The following GRIN2B variants were observed in gnomAD, a reference collection of about 807,000 sequenced individuals.
GRIN2B encodes glutamate receptor ionotropic, NMDA 2B.
GRIN2B carries 5 observed loss-of-function variants against 114.5 expected under a neutral mutation model. The observed-to-expected ratio is 0.04, with a 90% CI of 0.02 to 0.09. GRIN2B has a LOEUF of 0.09. GRIN2B is among the 10% of genes least tolerant of loss of function. The pLI is 1.00. For synonymous variants in GRIN2B, 787 were observed against 745.1 expected (o/e 1.06, Z -0.92); for missense variants, 1,108 against 1,943.5 (o/e 0.57, Z 8.08).
chr12:13,656,975 C>A (rs1949870722), intron 5 of GRIN2B, among the ~76,000 whole-genome samples: 1 of 152,132 alleles, frequency 6.6e-6, no homozygotes, highest in East Asian at 1.9e-4. Context: ...GGAAGGGACT[C>A]ATTTCTTTCT....
chr12:13,627,288 A>C (rs1354817909), intron 5 of GRIN2B, among the ~76,000 whole-genome samples: 2 of 152,166 alleles, frequency 1.3e-5, no homozygotes, highest in African/African-American at 4.8e-5. Context: ...GTATCCTATC[A>C]TACAGTTGTC....
intron 10 of GRIN2B, among the ~76,000 whole-genome samples, chr12:13,603,504 A>G (rs1949192808): frequency 1.3e-5 from 2 of 152,194 alleles, no homozygotes; most frequent in South Asian, 4.1e-4. Context: ...TAAAGATATT[A>G]ATAGCACCAT....
intron 4 of GRIN2B, among the ~76,000 whole-genome samples, chr12:13,716,936 T>C (rs1950460411): frequency 6.6e-6 from 1 of 151,930 alleles, no homozygotes; most frequent in Non-Finnish European, 1.5e-5. Context: ...GCAAGAACTA[T>C]AGAAAACTAC....
chr12:13,781,175 T>C (rs963290184), intron 3 of GRIN2B, among the ~76,000 whole-genome samples: 1 of 152,218 alleles, frequency 6.6e-6, no homozygotes, highest in Non-Finnish European at 1.5e-5. Flanking sequence ...TTTAAAAATA[T>C]GCACATGGCC....
chr12:13,614,666 C>A (rs145375225), intron 8 of GRIN2B, among the ~76,000 whole-genome samples: 11 of 152,062 alleles, frequency 7.2e-5, no homozygotes, highest in Non-Finnish European at 1.2e-4. Context: ...TAGCTCTGAG[C>A]GCAATTCTTG....
intron 5 of GRIN2B, among the ~76,000 whole-genome samples, chr12:13,667,783 G>GA (rs892154030): frequency 6.6e-6 from 1 of 151,612 alleles, no homozygotes. Context: ...AGAATGCACA[G>GA]AAAAAAAACA....
chr12:13,852,765 C>G (rs1361360603), intron 3 of GRIN2B, among the ~76,000 whole-genome samples: 2 of 151,182 alleles, frequency 1.3e-5, no homozygotes, highest in African/African-American at 4.9e-5. Flanking sequence ...AAGGTGGAAC[C>G]AGAACTCAAA....
chr12:13,903,229 T>C (rs988120409), intron 2 of GRIN2B, among the ~76,000 whole-genome samples: 1 of 152,144 alleles, frequency 6.6e-6, no homozygotes, highest in African/African-American at 2.4e-5. Flanking sequence ...TATCATAAAT[T>C]TCTTTTATTC....
At chr12:13,644,626 C>T (rs926378772) in intron 5 of GRIN2B, among the ~76,000 whole-genome samples, 5 of 152,080 alleles carry the variant, frequency 3.3e-5, no homozygotes, top group African/African-American at 1.2e-4. Flanking sequence ...TAGATGGCAT[C>T]TTTTTCCAAT....
intron 4 of GRIN2B, among the ~76,000 whole-genome samples, chr12:13,715,053 G>C (rs2136585753): frequency 6.6e-6 from 1 of 151,926 alleles, no homozygotes; most frequent in Middle Eastern, 3.4e-3. Flanking sequence ...GGAGTATTAT[G>C]GGTCTTAACG....
chr12:13,667,982 A>G (rs961544878), intron 5 of GRIN2B, among the ~76,000 whole-genome samples: 7 of 152,206 alleles, frequency 4.6e-5, no homozygotes, highest in Non-Finnish European at 7.3e-5. Context: ...TTCTTCTTCA[A>G]CACCAGTACT....
chr12:13,789,636 T>C (rs1591731931), intron 3 of GRIN2B, among the ~76,000 whole-genome samples: 1 of 152,196 alleles, frequency 6.6e-6, no homozygotes, highest in Non-Finnish European at 1.5e-5. Flanking sequence ...ATTATGCTCA[T>C]GTAAGAATTG....
chr12:13,646,692 C>T (rs937324121), intron 5 of GRIN2B, among the ~76,000 whole-genome samples: 7 of 151,490 alleles, frequency 4.6e-5, no homozygotes, highest in East Asian at 1.9e-4. Context: ...CTCTTATTTC[C>T]GTATTTATTT....
intron 3 of GRIN2B, among the ~76,000 whole-genome samples, chr12:13,809,857 A>G (rs73055630): frequency 0.16 from 24,737 of 152,160 alleles, 2,576 homozygotes; most frequent in Non-Finnish European, 0.23. Flanking sequence ...AAGTTCTCCA[A>G]TTTTTTTCTA....
At chr12:13,701,010 G>A (rs1397486615) in intron 4 of GRIN2B, among the ~76,000 whole-genome samples, 1 of 152,116 alleles carries the variant, frequency 6.6e-6, no homozygotes, top group Non-Finnish European at 1.5e-5. Flanking sequence ...GAGGTCTCAG[G>A]AAACTTACAA....
upstream of GRIN2B, chr12:13,981,933 C>CG (rs930478609): frequency 3.8e-4 from 58 of 153,426 alleles, no homozygotes; most frequent in African/African-American, 1.2e-3. Flanking sequence ...ACCCTGACTC[C>CG]GGGGGGAGGA....
chr12:13,944,715 G>GT (rs1867332115), intron 2 of GRIN2B, among the ~76,000 whole-genome samples: 1 of 152,158 alleles, frequency 6.6e-6, no homozygotes, highest in African/African-American at 2.4e-5. Flanking sequence ...GCAGGGACGT[G>GT]AACCCATAAC....
At position 13,627,679 on chromosome 12, in the gene GRIN2B, A is replaced by G. The variant is rs538891594; in HGVS notation, c.1126-11022T>C. ...TGAGTCTTGGGTTCAGGCAGGGCCA[A>G]TCGGCTAGAGTTCCTGTTGTTTGGT... On this transcript the variant is annotated intron_variant, in intron 5 of 13. Coordinates refer to ENST00000609686, the MANE Select transcript of GRIN2B (RefSeq NM_000834.5). Among the ~76,000 whole-genome samples the G allele has an allele frequency of 2.6e-5, 4 of 152,348 alleles. No individual in the cohort carries two copies. In the East Asian group the frequency reaches 7.7e-4, roughly 29 times the overall value.
intron 3 of GRIN2B, among the ~76,000 whole-genome samples, chr12:13,777,466 G>A (rs1864025407): frequency 6.6e-6 from 1 of 152,118 alleles, no homozygotes; most frequent in Non-Finnish European, 1.5e-5. Context: ...AGAAGGAAGA[G>A]TTAAAGGAGG....
Sources: gnomAD v4.1 joint callset for allele counts (sites outside exome capture counted in the v4.1 genomes callset) on GRCh38, gnomAD v4.1.1 for gene constraint, MANE v1.5 for transcripts, NCBI Gene and HGNC (gene_info 2026-07-23, HGNC 2026-07-21) for gene names.